CAMK4: variants seen among roughly 807,000 people sequenced by gnomAD.
CAMK4 encodes the protein calcium/calmodulin-dependent protein kinase type IV.
In CAMK4, 22 loss-of-function variants were observed where a neutral mutation model predicts 44.9. That is an observed-to-expected ratio of 0.49 (90% CI 0.35 to 0.70). The LOEUF (loss-of-function observed/expected upper bound fraction) is 0.70, where lower values mean the gene tolerates loss of function less well. Among genes scored for constraint, CAMK4 ranks in the 30% least tolerant of loss-of-function variants. The pLI is 0.01. For synonymous variants in CAMK4, 218 were observed against 215.4 expected, an observed-to-expected ratio of 1.01 and a Z score of -0.11; for missense variants, 498 against 586.8, an observed-to-expected ratio of 0.85 and a Z score of 1.56.
chr5:111,227,948 G>C (rs578037669), intron 1 of CAMK4, among the ~76,000 whole-genome samples: 1 of 152,284 alleles, frequency 6.6e-6, no homozygotes, highest in East Asian at 1.9e-4. Flanking sequence ...CCAGTGATTT[G>C]AGAAACTGGC....
chr5:111,465,222 A>G (rs1278238828), intron 7 of CAMK4, among the ~76,000 whole-genome samples: 3 of 152,062 alleles, frequency 2.0e-5, no homozygotes, highest in African/African-American at 4.8e-5. Flanking sequence ...AGGCAAATTC[A>G]TAGCCTTAAA....
chr5:111,476,271 T>TGTGG (rs1755238315), intron 8 of CAMK4, among the ~76,000 whole-genome samples: 20 of 127,314 alleles, frequency 1.6e-4, no homozygotes, highest in African/African-American at 5.5e-4. Context: ...GTGTGTGTGT[T>TGTGG]TGTGTGTGTG....
At chr5:111,263,796 G>A (rs1401995160) in intron 1 of CAMK4, among the ~76,000 whole-genome samples, 1 of 152,198 alleles carries the variant, frequency 6.6e-6, no homozygotes, top group African/African-American at 2.4e-5. Flanking sequence ...GGCGGAAGCA[G>A]TGTGGATTCT....
At chr5:111,265,934 G>A (rs552920509) in intron 1 of CAMK4, 1 of 152,306 alleles carries the variant, frequency 6.6e-6, no homozygotes, top group African/African-American at 2.4e-5. Context: ...ATAAAGTTTT[G>A]GAAAGGATCT....
intron 5 of CAMK4, among the ~76,000 whole-genome samples, chr5:111,432,831 C>G (rs1257330503): frequency 6.6e-6 from 1 of 151,842 alleles, no homozygotes; most frequent in African/African-American, 2.4e-5. Context: ...TCATTCACTC[C>G]TTTCATATAT....
At chr5:111,278,292 C>T (rs1336653130) in intron 1 of CAMK4, among the ~76,000 whole-genome samples, 4 of 152,170 alleles carry the variant, frequency 2.6e-5, no homozygotes, top group Non-Finnish European at 5.9e-5. Context: ...TGGAAATGGA[C>T]ATTGACTCAA....
chr5:111,470,373 C>G lies in CAMK4; in HGVS notation c.626-2938C>G, dbSNP rs1041926585. Among the ~76,000 whole-genome samples, 13 of 152,194 alleles carry G rather than the reference C, an allele frequency of 8.5e-5. 1 individual carries two copies. Among genetic ancestry groups the G allele is most frequent in the Admixed American group, 5.2e-4 (8 of 15,290 alleles). On this transcript the variant is annotated intron_variant, in intron 7 of 10. Coordinates refer to ENST00000282356, the MANE Select transcript of CAMK4 (RefSeq NM_001744.6). ...AAAAAAAGCTTTTTGGCTACAGATA[C>G]AGTTCCTTAAAGGGTGCATCTTGCT...
chr5:111,230,340 A>G (rs1206195660), intron 1 of CAMK4, among the ~76,000 whole-genome samples: 7 of 152,224 alleles, frequency 4.6e-5, no homozygotes, highest in Non-Finnish European at 1.0e-4. Flanking sequence ...CCACAGGTGT[A>G]TCAGAATTAG....
chr5:111,368,598 T>C (rs186225516), intron 2 of CAMK4, among the ~76,000 whole-genome samples: 20 of 152,264 alleles, frequency 1.3e-4, no homozygotes, highest in Admixed American at 1.3e-3. Flanking sequence ...CTTATCCTTC[T>C]GGGAAGGATT....
chr5:111,258,222 C>T (rs2112555354), intron 1 of CAMK4, among the ~76,000 whole-genome samples: 1 of 152,128 alleles, frequency 6.6e-6, no homozygotes, highest in African/African-American at 2.4e-5. Flanking sequence ...GTCTGAATGT[C>T]TTTTTTTAAC....
At chr5:111,403,632 A>G (rs1215654624) in intron 5 of CAMK4, among the ~76,000 whole-genome samples, 1 of 152,190 alleles carries the variant, frequency 6.6e-6, no homozygotes, top group Non-Finnish European at 1.5e-5. Flanking sequence ...ATTTATAGAC[A>G]TAGAATAAAG....
intron 2 of CAMK4, among the ~76,000 whole-genome samples, chr5:111,370,683 G>C (rs1330742443): frequency 6.6e-6 from 1 of 152,070 alleles, no homozygotes; most frequent in South Asian, 2.1e-4. Flanking sequence ...TTGGGAGGCC[G>C]ACATGGGTGG....
At chr5:111,443,277 TATACACACACACACAC>T (rs1438236221) in intron 5 of CAMK4, among the ~76,000 whole-genome samples, 66 of 40,878 alleles carry the variant, frequency 1.6e-3, no homozygotes, top group Non-Finnish European at 2.4e-3. Flanking sequence ...TATATATATA[TATACACACACACACAC>T]ACACACACAC....
intron 5 of CAMK4, among the ~76,000 whole-genome samples, chr5:111,403,017 A>C (rs1047105903): frequency 1.3e-5 from 2 of 152,196 alleles, no homozygotes; most frequent in South Asian, 4.1e-4. Context: ...AAACTTTTTG[A>C]GTATATGCTA....
intron 5 of CAMK4, among the ~76,000 whole-genome samples, chr5:111,435,079 C>A (rs1167657269): frequency 2.0e-5 from 3 of 152,020 alleles, no homozygotes; most frequent in Non-Finnish European, 4.4e-5. Flanking sequence ...GTCTAGACAC[C>A]CCCTGAATTC....
chr5:111,313,212 A>G (rs1748283356), intron 1 of CAMK4, among the ~76,000 whole-genome samples: 2 of 152,064 alleles, frequency 1.3e-5, no homozygotes, highest in African/African-American at 4.8e-5. Context: ...TCCTCTGCCT[A>G]TGAGATGTCA....
intron 5 of CAMK4, among the ~76,000 whole-genome samples, chr5:111,412,767 G>A (rs1328735416): frequency 6.6e-6 from 1 of 152,184 alleles, no homozygotes; most frequent in Non-Finnish European, 1.5e-5. Flanking sequence ...ACAGCTACCA[G>A]TGTGTCATCT....
chr5:111,473,528 T>C (rs1181253883), intron 8 of CAMK4, 142 bp downstream of exon 8: 5 of 610,712 alleles, frequency 8.2e-6, no homozygotes, highest in Non-Finnish European at 1.4e-5. Context: ...CAGTTAGTGA[T>C]AGAATTTCCT....
chr5:111,484,346 G>A lies in CAMK4; in HGVS notation c.1302G>A (p.Glu434=). The change falls in exon 11 of 11, where the codon GAG becomes GAA. Residue 434 remains glutamate (E), a synonymous_variant. Transcript: ENST00000282356. The surrounding 1 kb of genome is among the most constrained non-coding windows in gnomAD (Gnocchi z 5.3). ...AGGTGGCTGACCTGGAACTAGAGGA[G>A]GGCCTAGCAGAGGAGAAGCTGAAGA... ...GIKVADLELE[E]GLAEEKLKTV... The A allele has an allele frequency of 6.2e-7, 1 of 1,612,974 alleles. No homozygotes were observed. The highest frequency in any genetic ancestry group is 8.5e-7 in the Non-Finnish European group (1 of 1,179,578).
Sources: gnomAD v4.1 joint callset for allele counts (sites outside exome capture counted in the v4.1 genomes callset) on GRCh38, gnomAD v4.1.1 for gene constraint, Gnocchi (gnomAD v3.1) non-coding constraint, MANE v1.5 for transcripts, NCBI Gene and HGNC (gene_info 2026-07-23, HGNC 2026-07-21) for gene names.